ATP9B: variants seen among roughly 807,000 people sequenced by gnomAD.
ATP9B encodes ATPase phospholipid transporting 9B.
In ATP9B, 110 loss-of-function variants were observed where a neutral mutation model predicts 146.1. That is an observed-to-expected ratio of 0.75 (90% CI 0.65 to 0.88). ATP9B has a LOEUF of 0.88. Among genes scored for constraint, ATP9B ranks in the 40% least tolerant of loss-of-function variants. The pLI is 0.00. For missense variants in ATP9B, 1,499 were observed against 1,496.4 expected (o/e 1.00, Z -0.03); for synonymous variants, 604 against 569.7 (o/e 1.06, Z -0.86).
chr18:79,214,177 A>G, intron 11 of ATP9B, 139 bp downstream of exon 11: 1 of 488,160 alleles, frequency 2.0e-6, no homozygotes. Context: ...GGTGACTTAC[A>G]ATATGAATTC....
intron 9 of ATP9B, among the ~76,000 whole-genome samples, chr18:79,201,416 A>G (rs77709854): frequency 1.4e-4 from 21 of 152,294 alleles, no homozygotes; most frequent in Non-Finnish European, 2.6e-4. Flanking sequence ...CATAAGACAA[A>G]ATATCTTTTG....
At chr18:79,158,637 C>A (rs924566019) in intron 7 of ATP9B, among the ~76,000 whole-genome samples, 9 of 152,184 alleles carry the variant, frequency 5.9e-5, no homozygotes, top group African/African-American at 2.2e-4. Context: ...CATATTTATA[C>A]ATTTTCTAAA....
At chr18:79,152,552 T>G (rs1233711561) in intron 6 of ATP9B, among the ~76,000 whole-genome samples, 1 of 152,240 alleles carries the variant, frequency 6.6e-6, no homozygotes. Context: ...TTTTTGTTGA[T>G]GGTCTTTATT....
At chr18:79,177,762 T>C (rs1342736343) in intron 8 of ATP9B, among the ~76,000 whole-genome samples, 3 of 152,186 alleles carry the variant, frequency 2.0e-5, no homozygotes, top group African/African-American at 7.2e-5. Flanking sequence ...TGGACTTCAT[T>C]AGCCTTCAGG....
At chr18:79,337,189 CTG>C (rs2096832435) in intron 18 of ATP9B, 88 bp from the exon 19 acceptor site, 2 of 1,443,412 alleles carry the variant, frequency 1.4e-6, no homozygotes. Flanking sequence ...ACCTCCCCCT[CTG>C]TCCCCACAGC....
intron 5 of ATP9B, among the ~76,000 whole-genome samples, chr18:79,137,565 A>T (rs1034793905): frequency 2.0e-5 from 3 of 152,134 alleles, no homozygotes; most frequent in East Asian, 1.9e-4. Context: ...CTCGAAGGGC[A>T]CTTTGTAAAC....
chr18:79,325,450 A>G (rs953071212), intron 15 of ATP9B, among the ~76,000 whole-genome samples: 1 of 152,214 alleles, frequency 6.6e-6, no homozygotes, highest in Non-Finnish European at 1.5e-5. Context: ...AGAAATTTGT[A>G]AAAGGTAAAT....
intron 15 of ATP9B, among the ~76,000 whole-genome samples, chr18:79,326,910 C>T (rs943935453): frequency 1.3e-5 from 2 of 152,200 alleles, no homozygotes; most frequent in Admixed American, 1.3e-4. Context: ...GCCCTCACAC[C>T]TCATTTCTCG....
At chr18:79,216,792 G>C (rs1371931031) in intron 11 of ATP9B, among the ~76,000 whole-genome samples, 1 of 152,170 alleles carries the variant, frequency 6.6e-6, no homozygotes, top group Non-Finnish European at 1.5e-5. Context: ...ATAATTGAAA[G>C]GGTGTCTTTG....
At chr18:79,148,629 G>A (rs1456888318) in intron 6 of ATP9B, among the ~76,000 whole-genome samples, 1 of 152,110 alleles carries the variant, frequency 6.6e-6, no homozygotes, top group Non-Finnish European at 1.5e-5. Context: ...ATACTTAATG[G>A]TGTAAGACTG....
intron 12 of ATP9B, among the ~76,000 whole-genome samples, chr18:79,270,645 A>G (rs938643273): frequency 1.3e-5 from 2 of 151,920 alleles, no homozygotes; most frequent in African/African-American, 4.8e-5. Flanking sequence ...TTAACTTTCA[A>G]CCAGCAATGA....
At chr18:79,327,573 G>C (rs304916) in intron 15 of ATP9B, among the ~76,000 whole-genome samples, 1 of 60,992 alleles carries the variant, frequency 1.6e-5, no homozygotes. Flanking sequence ...TCCGTGGTTA[G>C]CGTGCTCTCC....
chr18:79,246,353 C>G (rs1301097951), intron 11 of ATP9B, among the ~76,000 whole-genome samples: 2 of 151,476 alleles, frequency 1.3e-5, no homozygotes, highest in Non-Finnish European at 2.9e-5. Context: ...GCGGAGGGCA[C>G]CGCCCTACTG....
chr18:79,290,390 G>A (rs546919865), intron 13 of ATP9B, among the ~76,000 whole-genome samples: 11 of 152,340 alleles, frequency 7.2e-5, no homozygotes, highest in African/African-American at 1.7e-4. Flanking sequence ...AGCAATCAGC[G>A]AGACTCTGTG....
At chr18:79,205,170 G>A (rs759011788) in intron 9 of ATP9B, among the ~76,000 whole-genome samples, 2 of 152,180 alleles carry the variant, frequency 1.3e-5, no homozygotes, top group Non-Finnish European at 2.9e-5. Flanking sequence ...GAGGCCAAAC[G>A]CCTTCCTCAA....
At chr18:79,242,960 A>C (rs1343832479) in intron 11 of ATP9B, among the ~76,000 whole-genome samples, 1 of 152,242 alleles carries the variant, frequency 6.6e-6, no homozygotes, top group Admixed American at 6.5e-5. Context: ...AATTCTCAGC[A>C]AATCTGCCAG....
intron 28 of ATP9B, 119 bp downstream of exon 28, chr18:79,374,220 G>A: frequency 8.4e-7 from 1 of 1,189,940 alleles, no homozygotes; most frequent in Non-Finnish European, 1.2e-6. Flanking sequence ...ACCCATATCA[G>A]AAAGTGCCTG....
intron 13 of ATP9B, 138 bp downstream of exon 13, chr18:79,277,334 A>G (rs2096323227): frequency 1.8e-6 from 2 of 1,116,058 alleles, no homozygotes; most frequent in African/African-American, 3.1e-5. Flanking sequence ...CATATTTAGA[A>G]TTTTTCAGCC....
intron 2 of ATP9B, among the ~76,000 whole-genome samples, chr18:79,105,845 G>A (rs62101117): frequency 0.024 from 3,686 of 152,260 alleles, 83 homozygotes; most frequent in Non-Finnish European, 0.036. Flanking sequence ...AAGCATGGGC[G>A]AATGTGCTCA....
Sources: gnomAD v4.1 joint callset for allele counts (sites outside exome capture counted in the v4.1 genomes callset) on GRCh38, gnomAD v4.1.1 for gene constraint, MANE v1.5 for transcripts, NCBI Gene and HGNC (gene_info 2026-07-23, HGNC 2026-07-21) for gene names.